The following IQCH variants were observed in gnomAD, a reference collection of about 807,000 sequenced individuals.
The protein encoded by IQCH is IQ domain-containing protein H.
IQCH carries 98 observed loss-of-function variants against 117.0 expected under a neutral mutation model. That is an observed-to-expected ratio of 0.84 (90% CI 0.71 to 0.99). The LOEUF is 0.99. Among genes scored for constraint, IQCH ranks in the 50% least tolerant of loss-of-function variants. The pLI is 0.00. For synonymous variants in IQCH, 412 were observed against 448.2 expected (o/e 0.92, Z 1.02); for missense variants, 1,102 against 1,243.8 (o/e 0.89, Z 1.72).
Position 67,366,410 on chromosome 15 carries a change from T to A in IQCH, c.754-5701T>A, listed in dbSNP as rs1036851097. ...ATTTACAAAATCTTCTTGATTCTAT[T>A]CTGTTTGATCTTCAACCAGATTTTG... On this transcript the variant is annotated intron_variant, in intron 8 of 20. Coordinates refer to ENST00000335894, the MANE Select transcript of IQCH (RefSeq NM_001031715.3). This position sits in a 1 kb window ranked among gnomAD's most constrained non-coding sequence, Gnocchi z 4.4. Among the ~76,000 whole-genome samples the A allele has an allele frequency of 1.3e-5, 2 of 152,234 alleles. No individual in the cohort carries two copies. The highest frequency in any genetic ancestry group is 2.9e-5 in the Non-Finnish European group (2 of 68,032).
chr15:67,450,862 T>C (rs1370136454), intron 16 of IQCH, among the ~76,000 whole-genome samples: 1 of 152,254 alleles, frequency 6.6e-6, no homozygotes, highest in Non-Finnish European at 1.5e-5. Flanking sequence ...CTGGACTTTT[T>C]TTGGTTGGTA....
Position 67,254,877 on chromosome 15 carries a change from A to C in IQCH, c.-20A>C. On this transcript the variant is annotated 5_prime_UTR_variant, in exon 1 of 21. Transcript: ENST00000335894. ...TTGGAAACCGCGCCTCCGCGGAGGT[A>C]GCCGTTCCCTGACCTAGCCATGGCA... 6.2e-7 allele frequency: 1 copy of C among 1,612,380 alleles called. No homozygotes were observed. The highest frequency in any genetic ancestry group is 2.2e-5 in the East Asian group (1 of 44,712).
rs182357509 is a variant in IQCH at position 67,476,084 on chromosome 15, A to G, written c.2799+266A>G. On this transcript the variant is annotated intron_variant, in intron 18 of 20. Transcript: ENST00000335894. This position sits in a 1 kb window ranked among gnomAD's most constrained non-coding sequence, Gnocchi z 4.1. ...GCCATGCAAGCTCTCCAGACTTAGG[A>G]GGCATTTTGGGGACCACCTCATGAT... Among the ~76,000 whole-genome samples the G allele has an allele frequency of 6.6e-6, 1 of 152,300 alleles. No homozygotes were observed. The highest frequency in any genetic ancestry group is 1.9e-4 in the East Asian group (1 of 5,192).
intron 10 of IQCH, among the ~76,000 whole-genome samples, chr15:67,380,290 G>C (rs1970882202): frequency 6.6e-6 from 1 of 152,056 alleles, no homozygotes; most frequent in Non-Finnish European, 1.5e-5. Context: ...TGGCCCATTT[G>C]GTTTGAGGAT....
chr15:67,423,746 C>T (rs1486670455), intron 16 of IQCH, among the ~76,000 whole-genome samples: 1 of 150,588 alleles, frequency 6.6e-6, no homozygotes, highest in Non-Finnish European at 1.5e-5. Context: ...CCCAGCTGCT[C>T]GGGAGGCTGA....
At chr15:67,262,811 G>T (rs1427872253) in intron 2 of IQCH, among the ~76,000 whole-genome samples, 1 of 152,114 alleles carries the variant, frequency 6.6e-6, no homozygotes, top group East Asian at 1.9e-4. Flanking sequence ...CTTAAGCCTT[G>T]GAGGCTGAGG....
intron 4 of IQCH, among the ~76,000 whole-genome samples, chr15:67,330,657 A>C (rs779446332): frequency 2.6e-5 from 4 of 152,206 alleles, no homozygotes; most frequent in Non-Finnish European, 5.9e-5. Context: ...TGCAGTAAAA[A>C]AACAACAAAA....
chr15:67,473,964 G>C lies in IQCH; in HGVS notation c.2677-1732G>C, dbSNP rs898812488. On this transcript the variant is annotated intron_variant, in intron 17 of 20. Transcript: ENST00000335894. The surrounding 1 kb of genome is among the most constrained non-coding windows in gnomAD (Gnocchi z 4.9). ...AGCAGCCTTAACTGGTGGCACTGAT[G>C]ATGTGACCTTCGGACACAGGACTTG... 1.3e-5 allele frequency among the ~76,000 whole-genome samples: 2 copies of C among 152,084 alleles called. No individual in the cohort carries two copies. The highest frequency in any genetic ancestry group is 4.8e-5 in the African/African-American group (2 of 41,402).
chr15:67,467,500 C>T lies in IQCH; in HGVS notation c.2676+2203C>T, dbSNP rs1211653851. On this transcript the variant is annotated intron_variant, in intron 17 of 20. Transcript: ENST00000335894. This position sits in a 1 kb window ranked among gnomAD's most constrained non-coding sequence, Gnocchi z 5.7. Reference sequence around the variant, plus strand: ...TCAATAAGGCCAATACCTCTTAAATCACTAGAGAAAAGCTATGCAGGTTTT... The same window carrying T: ...TCAATAAGGCCAATACCTCTTAAATTACTAGAGAAAAGCTATGCAGGTTTT... Among the ~76,000 whole-genome samples the T allele has an allele frequency of 2.0e-5, 3 of 152,190 alleles. No individual in the cohort carries two copies. The East Asian group carries it at 5.8e-4, about 29-fold the overall frequency.
rs544291451 is a variant in IQCH at position 67,494,772 on chromosome 15, A to G, written c.2970+406A>G. On this transcript the variant is annotated intron_variant, in intron 20 of 20. Transcript: ENST00000335894. The surrounding 1 kb of genome is among the most constrained non-coding windows in gnomAD (Gnocchi z 5.5). ...CTGGGAAGCCCTAGTTTCTAGAGCC[A>G]GAGAAGTTCTAAGACCCGAGAAAGC... 2.0e-5 allele frequency among the ~76,000 whole-genome samples: 3 copies of G among 152,338 alleles called. No individual in the cohort carries two copies. The highest frequency in any genetic ancestry group is 4.1e-4 in the South Asian group (2 of 4,824).
intron 20 of IQCH, among the ~76,000 whole-genome samples, chr15:67,495,038 G>A (rs952331201): frequency 9.2e-5 from 14 of 152,198 alleles, no homozygotes; most frequent in African/African-American, 3.1e-4. Flanking sequence ...AGATGATCAC[G>A]TGGTATTGAA....
rs571702512 is a variant in IQCH at position 67,325,405 on chromosome 15, A to G, written c.388-11570A>G. Among the ~76,000 whole-genome samples the G allele has an allele frequency of 5.1e-4, 78 of 152,098 alleles. 1 individual carries two copies. The highest frequency in any genetic ancestry group is 9.1e-4 in the Non-Finnish European group (62 of 68,000). ...AAATATATGCAATTTTCATTTGTCA[A>G]TTATGCCTTAATAAAGTTGGGGAAA... On this transcript the variant is annotated intron_variant, in intron 4 of 20. Coordinates refer to ENST00000335894, the MANE Select transcript of IQCH (RefSeq NM_001031715.3).
At chr15:67,486,795 A>G (rs1302906396) in intron 18 of IQCH, among the ~76,000 whole-genome samples, 1 of 152,198 alleles carries the variant, frequency 6.6e-6, no homozygotes, top group African/African-American at 2.4e-5. Context: ...TATATTGAAA[A>G]TATTGTCATT....
rs1177627193 is a variant in IQCH at position 67,411,630 on chromosome 15, T to G, written c.2098-5301T>G. On this transcript the variant is annotated intron_variant, in intron 14 of 20. Coordinates refer to ENST00000335894, the MANE Select transcript of IQCH (RefSeq NM_001031715.3). The surrounding 1 kb of genome is among the most constrained non-coding windows in gnomAD (Gnocchi z 4.4). ...TGACCCAATTACACCAATGTGTGTC[T>G]GTATGTGTGTATGTGTGTGTAATAC... 2.2e-5 allele frequency among the ~76,000 whole-genome samples: 3 copies of G among 138,896 alleles called. No homozygotes were observed. Among genetic ancestry groups the G allele is most frequent in the African/African-American group, 7.4e-5 (3 of 40,352 alleles). 91.1% of individuals were successfully genotyped at this position (138,896 alleles called of 152,430 possible).
chr15:67,458,874 A>C lies in IQCH; in HGVS notation c.2506-6253A>C, dbSNP rs2082722479. Among the ~76,000 whole-genome samples, 1 of 152,248 alleles carries C rather than the reference A, an allele frequency of 6.6e-6. No homozygotes were observed. The highest frequency in any genetic ancestry group is 2.4e-5 in the African/African-American group (1 of 41,470). ...GGCCGTGTATCACAGTTCACCCTGA[A>C]GGCTGGATGCCATTTCTGGCGTGGG... On this transcript the variant is annotated intron_variant, in intron 16 of 20. Transcript: ENST00000335894. This position sits in a 1 kb window ranked among gnomAD's most constrained non-coding sequence, Gnocchi z 4.1.
intron 4 of IQCH, among the ~76,000 whole-genome samples, chr15:67,294,757 G>A (rs935597618): frequency 6.6e-6 from 1 of 152,208 alleles, no homozygotes; most frequent in Non-Finnish European, 1.5e-5. Context: ...CCTCTGCCAT[G>A]TGAGAATAGA....
In IQCH at chr15:67,413,935, C is replaced by T. The variant is rs189700472; in HGVS notation, c.2098-2996C>T. 6.6e-6 allele frequency among the ~76,000 whole-genome samples: 1 copy of T among 152,172 alleles called. No homozygotes were observed. The highest frequency in any genetic ancestry group is 1.5e-5 in the Non-Finnish European group (1 of 68,028). ...CTGGCTTTGTGATCAGAGGCGGTGG[C>T]AGAAGCCTGGCACAGTGTCCAGATG... On this transcript the variant is annotated intron_variant, in intron 14 of 20. Transcript: ENST00000335894. This position sits in a 1 kb window ranked among gnomAD's most constrained non-coding sequence, Gnocchi z 5.0.
intron 14 of IQCH, among the ~76,000 whole-genome samples, chr15:67,414,984 G>C (rs895665126): frequency 6.6e-6 from 1 of 152,158 alleles, no homozygotes; most frequent in East Asian, 1.9e-4. Flanking sequence ...TTCTAACGCC[G>C]TGTTTCATTG....
chr15:67,420,738 C>T (rs1007322635), intron 15 of IQCH, among the ~76,000 whole-genome samples: 13 of 152,188 alleles, frequency 8.5e-5, no homozygotes, highest in African/African-American at 2.2e-4. Context: ...TCTTCAAACA[C>T]GGCAATATCT....
Sources: allele counts gnomAD v4.1 joint callset (sites outside exome capture counted in the v4.1 genomes callset), GRCh38; gene constraint gnomAD v4.1.1; non-coding constraint Gnocchi (gnomAD v3.1); transcripts MANE v1.5; gene names NCBI Gene and HGNC (gene_info 2026-07-23, HGNC 2026-07-21).